The following KCNQ5 variants were observed in gnomAD, a reference collection of about 807,000 sequenced individuals.
KCNQ5 encodes potassium voltage-gated channel subfamily Q member 5.
In KCNQ5, 30 loss-of-function variants were observed where a neutral mutation model predicts 98.2. The ratio of observed to expected loss-of-function variants is 0.31; its 90% CI spans 0.23 to 0.41. KCNQ5 has a LOEUF of 0.41. KCNQ5 is among the 10% of genes least tolerant of loss of function. KCNQ5 has a pLI of 1.00. For missense variants in KCNQ5, 835 were observed against 1,182.5 expected, an observed-to-expected ratio of 0.71 and a Z score of 4.31; for synonymous variants, 458 against 449.4, an observed-to-expected ratio of 1.02 and a Z score of -0.24.
chr6:73,132,019 A>G (rs187820531), intron 9 of KCNQ5, among the ~76,000 whole-genome samples: 31 of 152,358 alleles, frequency 2.0e-4, no homozygotes, highest in Admixed American at 2.0e-3. Context: ...AAACACACAT[A>G]AAACGTGGTG....
intron 1 of KCNQ5, among the ~76,000 whole-genome samples, chr6:72,686,360 G>A (rs1767949571): frequency 6.6e-6 from 1 of 152,124 alleles, no homozygotes. Flanking sequence ...TGATAGCTCA[G>A]TATAGTTTCA....
At position 72,824,368 on chromosome 6, in the gene KCNQ5, C is replaced by T. The variant is rs185818576; in HGVS notation, c.399-179540C>T. ...AAAAATGATACCTAAATTAGAAAAT[C>T]GTTGGTTTTATTTCTTGTATCAAAA... On this transcript the variant is annotated intron_variant, in intron 1 of 13. Coordinates refer to ENST00000370398, the MANE Select transcript of KCNQ5 (RefSeq NM_019842.4). Among the ~76,000 whole-genome samples the T allele has an allele frequency of 5.3e-5, 8 of 151,976 alleles. No homozygotes were observed. The East Asian group carries it at 1.4e-3, about 26-fold the overall frequency.
intron 1 of KCNQ5, among the ~76,000 whole-genome samples, chr6:72,950,998 T>C (rs936114616): frequency 6.6e-6 from 1 of 152,192 alleles, no homozygotes; most frequent in African/African-American, 2.4e-5. Flanking sequence ...TGCTTAGAGC[T>C]GAGAATCCCT....
chr6:72,830,967 G>A (rs1456879023), intron 1 of KCNQ5, among the ~76,000 whole-genome samples: 1 of 152,134 alleles, frequency 6.6e-6, no homozygotes, highest in African/African-American at 2.4e-5. Context: ...GCAGCCAACA[G>A]ACACATGAAA....
chr6:72,852,327 TA>T (rs1777295767), intron 1 of KCNQ5, among the ~76,000 whole-genome samples: 1 of 152,004 alleles, frequency 6.6e-6, no homozygotes, highest in Non-Finnish European at 1.5e-5. Flanking sequence ...ATTGCAGCAT[TA>T]TTCACAGTAG....
At chr6:72,638,710 A>G (rs12203288) in intron 1 of KCNQ5, among the ~76,000 whole-genome samples, 27,165 of 152,024 alleles carry the variant, frequency 0.18, 2,788 homozygotes, top group Middle Eastern at 0.25. Flanking sequence ...TCTGGAGCAC[A>G]TGATAATATA....
At chr6:73,034,023 C>A (rs1342733787) in intron 2 of KCNQ5, among the ~76,000 whole-genome samples, 1 of 152,190 alleles carries the variant, frequency 6.6e-6, no homozygotes, top group Non-Finnish European at 1.5e-5. Context: ...TCCAAAGAGA[C>A]ACAATTCCGG....
intron 3 of KCNQ5, among the ~76,000 whole-genome samples, chr6:73,046,094 A>G (rs1210984531): frequency 6.6e-6 from 1 of 152,170 alleles, no homozygotes; most frequent in Non-Finnish European, 1.5e-5. Flanking sequence ...ATTTCATCTT[A>G]TTAAAAGGCA....
intron 1 of KCNQ5, among the ~76,000 whole-genome samples, chr6:72,648,181 A>G (rs1368829939): frequency 3.3e-5 from 5 of 152,318 alleles, no homozygotes; most frequent in East Asian, 1.9e-4. Context: ...ATTGAGATGG[A>G]TGAGGCTGAG....
rs1247007723 is a variant in KCNQ5, at chr6:72,622,101, G to C, written c.-89G>C. On this transcript the variant is annotated 5_prime_UTR_variant, in exon 1 of 14. Transcript: ENST00000370398. The surrounding 1 kb of genome is among the most constrained non-coding windows in gnomAD (Gnocchi z 6.0). ...CTGGCGGGCGCCCCGTCGGCCGCCG[G>C]CTTCCTCCTTGAAACCCGCCGGCGC... 1 of 1,149,892 alleles carries C rather than the reference G, an allele frequency of 8.7e-7. No homozygotes were observed. The highest frequency in any genetic ancestry group is 1.6e-5 in the African/African-American group (1 of 62,248). The allele number at this position is 1,149,892 out of a possible 1,614,324, so 71.2% of individuals were successfully genotyped here.
chr6:72,718,321 T>C (rs1011433207), intron 1 of KCNQ5, among the ~76,000 whole-genome samples: 1 of 152,102 alleles, frequency 6.6e-6, no homozygotes, highest in East Asian at 1.9e-4. Context: ...CTGGTCTGCA[T>C]GTTCTGCTTG....
intron 2 of KCNQ5, 66 bp from the exon 3 acceptor site, chr6:73,041,870 A>G (rs1157224721): frequency 8.8e-6 from 14 of 1,591,672 alleles, no homozygotes; most frequent in Admixed American, 1.7e-5. Context: ...AAAAATATGC[A>G]TAGAGCTTCT....
chr6:73,011,523 A>G (rs997203404), intron 2 of KCNQ5, among the ~76,000 whole-genome samples: 13 of 152,280 alleles, frequency 8.5e-5, no homozygotes, highest in Admixed American at 3.3e-4. Context: ...TTGTTAGAAG[A>G]AAACATAAGG....
chr6:72,947,852 G>A (rs1369378118), intron 1 of KCNQ5, among the ~76,000 whole-genome samples: 1 of 152,106 alleles, frequency 6.6e-6, no homozygotes, highest in African/African-American at 2.4e-5. Flanking sequence ...AAGATAGAGA[G>A]TTTATAGTTC....
At chr6:72,639,278 G>A (rs901820369) in intron 1 of KCNQ5, among the ~76,000 whole-genome samples, 4 of 152,144 alleles carry the variant, frequency 2.6e-5, no homozygotes, top group Middle Eastern at 3.2e-3. Context: ...GATTGCAATG[G>A]GATAAAAGTA....
intron 5 of KCNQ5, among the ~76,000 whole-genome samples, chr6:73,103,492 G>C (rs1471627802): frequency 4.6e-5 from 7 of 152,018 alleles, no homozygotes; most frequent in African/African-American, 7.3e-5. Context: ...TCATGGGGGG[G>C]GGGGAGAGGG....
chr6:72,867,673 C>T (rs927603481), intron 1 of KCNQ5, among the ~76,000 whole-genome samples: 2 of 152,012 alleles, frequency 1.3e-5, no homozygotes, highest in African/African-American at 4.8e-5. Context: ...TATGGTGGCT[C>T]ATGCCTGTAA....
At chr6:73,078,275 A>C (rs1355304234) in intron 5 of KCNQ5, among the ~76,000 whole-genome samples, 2 of 152,098 alleles carry the variant, frequency 1.3e-5, no homozygotes, top group Admixed American at 6.5e-5. Flanking sequence ...TCTGGGGTTA[A>C]AAAATGAATG....
rs2098915470 is a variant in KCNQ5, at chr6:72,622,155, G to A, written c.-35G>A. On this transcript the variant is annotated 5_prime_UTR_variant, in exon 1 of 14. Coordinates refer to ENST00000370398, the MANE Select transcript of KCNQ5 (RefSeq NM_019842.4). This position sits in a 1 kb window ranked among gnomAD's most constrained non-coding sequence, Gnocchi z 6.0. The stretch of plus-strand genomic sequence containing the variant: ...TGAGGCCGCTGCCCCCGCCGCAGGC[G>A]CTGGCGGCCCCCTCGCGGTGCCCGT... The A allele has an allele frequency of 3.3e-6, 4 of 1,215,980 alleles. No individual in the cohort carries two copies. The highest frequency in any genetic ancestry group is 1.6e-5 in the African/African-American group (1 of 63,782). 75.3% of individuals were successfully genotyped at this position (1,215,980 alleles called of 1,614,324 possible). A position where few individuals can be genotyped will look rare whatever the true frequency, so the allele number is the denominator to read the frequency against.
Sources: gnomAD v4.1 joint callset for allele counts (sites outside exome capture counted in the v4.1 genomes callset) on GRCh38, gnomAD v4.1.1 for gene constraint, Gnocchi (gnomAD v3.1) non-coding constraint, MANE v1.5 for transcripts, NCBI Gene and HGNC (gene_info 2026-07-23, HGNC 2026-07-21) for gene names.